The following GFPT1 variants were observed in gnomAD, a reference collection of about 807,000 sequenced individuals.
GFPT1 encodes glutamine--fructose-6-phosphate aminotransferase [isomerizing] 1.
A neutral mutation model predicts 92.0 loss-of-function variants in GFPT1; 40 were observed. The observed-to-expected ratio is 0.43, with a 90% CI of 0.34 to 0.57. GFPT1 has a LOEUF of 0.57. Among genes scored for constraint, GFPT1 ranks in the 20% least tolerant of loss-of-function variants. GFPT1 has a pLI of 0.02. For synonymous variants in GFPT1, 269 were observed against 280.6 expected, an observed-to-expected ratio of 0.96 and a Z score of 0.41; for missense variants, 448 against 869.1, an observed-to-expected ratio of 0.52 and a Z score of 6.09.
chr2:69,378,972 G>C (rs989390758), intron 1 of GFPT1, among the ~76,000 whole-genome samples: 1 of 152,094 alleles, frequency 6.6e-6, no homozygotes, highest in South Asian at 2.1e-4. Flanking sequence ...AGTAGGCCAG[G>C]AGCAGTGGCT....
At chr2:69,343,349 C>G (rs1330958011) in intron 12 of GFPT1, among the ~76,000 whole-genome samples, 2 of 152,020 alleles carry the variant, frequency 1.3e-5, no homozygotes, top group Non-Finnish European at 2.9e-5. Flanking sequence ...TGGGCCTCAT[C>G]CTGCTGCTCT....
chr2:69,330,345 T>C (rs1404517553), intron 15 of GFPT1, among the ~76,000 whole-genome samples: 7 of 152,288 alleles, frequency 4.6e-5, no homozygotes, highest in Non-Finnish European at 8.8e-5. Context: ...TTATAACCCA[T>C]TGAATGCTTA....
intron 13 of GFPT1, among the ~76,000 whole-genome samples, chr2:69,340,501 G>A (rs903061314): frequency 1.3e-5 from 2 of 152,124 alleles, no homozygotes; most frequent in East Asian, 1.9e-4. Flanking sequence ...TCACTGGAAC[G>A]TTAAGCATGT....
chr2:69,346,164 T>C (rs1172814887), intron 11 of GFPT1, among the ~76,000 whole-genome samples, 165 bp from the exon 12 acceptor site: 1 of 151,972 alleles, frequency 6.6e-6, no homozygotes, highest in Non-Finnish European at 1.5e-5. Flanking sequence ...TTTTACTCTG[T>C]GGAAAAAAAT....
At chr2:69,336,268 G>C (rs2104613098) in intron 15 of GFPT1, among the ~76,000 whole-genome samples, 1 of 151,092 alleles carries the variant, frequency 6.6e-6, no homozygotes, top group South Asian at 2.1e-4. Flanking sequence ...GAACCCAGGA[G>C]GCGGGGGTTG....
intron 3 of GFPT1, 93 bp from the exon 4 acceptor site, chr2:69,363,763 T>C: frequency 1.1e-6 from 1 of 874,548 alleles, no homozygotes; most frequent in Non-Finnish European, 1.9e-6. Flanking sequence ...ACAATGCTGC[T>C]CTCTTGGAAT....
chr2:69,370,943 T>C (rs1355201546), intron 2 of GFPT1, among the ~76,000 whole-genome samples: 2 of 151,492 alleles, frequency 1.3e-5, no homozygotes, highest in African/African-American at 4.8e-5. Context: ...GAGGTTGCAG[T>C]GAGCTGAGAT....
rs879710993 is a variant in GFPT1, at chr2:69,322,295, C to T, written c.*3894G>A. The T allele has an allele frequency of 1.3e-5, 2 of 152,092 alleles. No individual in the cohort carries two copies. The highest frequency in any genetic ancestry group is 4.8e-5 in the African/African-American group (2 of 41,436). 9.4% of individuals were successfully genotyped at this position (152,092 alleles called of 1,614,324 possible). A position where few individuals can be genotyped will look rare whatever the true frequency, so the allele number is the denominator to read the frequency against. ...CTATGATCCTTTTCAATAATACTTT[C>T]AATGACATTGTGCTTCTTTAGAAAA... On this transcript the variant is annotated 3_prime_UTR_variant, in exon 20 of 20. Transcript: ENST00000357308.
intron 9 of GFPT1, among the ~76,000 whole-genome samples, chr2:69,352,354 C>T (rs1671227362): frequency 6.6e-6 from 1 of 151,928 alleles, no homozygotes; most frequent in South Asian, 2.1e-4. Flanking sequence ...GTGGCTCAGG[C>T]CTGTAATCCC....
chr2:69,331,977 C>A (rs1220920385), intron 15 of GFPT1, among the ~76,000 whole-genome samples: 1 of 152,084 alleles, frequency 6.6e-6, no homozygotes, highest in Non-Finnish European at 1.5e-5. Context: ...TTACGTAGTA[C>A]TTTTAGACTC....
intron 3 of GFPT1, among the ~76,000 whole-genome samples, chr2:69,364,114 CA>C (rs10715095): frequency 0.011 from 1,124 of 99,028 alleles, 11 homozygotes; most frequent in African/African-American, 0.027. Flanking sequence ...GACTCCATCT[CA>C]AAAAAAAAAA....
chr2:69,352,562 G>A lies in GFPT1; in HGVS notation c.739+1697C>T, dbSNP rs138873861. 7.8e-3 allele frequency among the ~76,000 whole-genome samples: 875 copies of A among 112,522 alleles called. 10 individuals are homozygous for A. The highest frequency in any genetic ancestry group is 0.035 in the Middle Eastern group (4 of 114). 73.8% of individuals were successfully genotyped at this position (112,522 alleles called of 152,430 possible). On this transcript the variant is annotated intron_variant, in intron 9 of 19. Coordinates refer to ENST00000357308, the MANE Select transcript of GFPT1 (RefSeq NM_001244710.2). ...CGGGAGGCCGAGGTTGCAGTGAGCC[G>A]AGATCACGCCACTGCACTACAGCCT...
intron 1 of GFPT1, among the ~76,000 whole-genome samples, chr2:69,383,623 C>CTTAT (rs1311012860): frequency 2.7e-5 from 4 of 150,048 alleles, no homozygotes; most frequent in South Asian, 2.1e-4. Context: ...TATTTATTTA[C>CTTAT]TTATTTATTT....
At chr2:69,359,626 T>C (rs963625803) in intron 4 of GFPT1, among the ~76,000 whole-genome samples, 1 of 152,166 alleles carries the variant, frequency 6.6e-6, no homozygotes, top group Non-Finnish European at 1.5e-5. Flanking sequence ...TAATCAAATG[T>C]TACCCATGTG....
At chr2:69,382,587 A>T (rs964332171) in intron 1 of GFPT1, among the ~76,000 whole-genome samples, 4 of 152,192 alleles carry the variant, frequency 2.6e-5, no homozygotes, top group African/African-American at 9.7e-5. Context: ...CTACTTTTAT[A>T]GACTCTGTTC....
chr2:69,379,338 A>C (rs1374032645), intron 1 of GFPT1, among the ~76,000 whole-genome samples: 2 of 152,114 alleles, frequency 1.3e-5, no homozygotes. Context: ...AGCCTGGGCA[A>C]TACAGGGAGA....
At chr2:69,367,826 T>C (rs965699032) in intron 3 of GFPT1, among the ~76,000 whole-genome samples, 5 of 152,250 alleles carry the variant, frequency 3.3e-5, no homozygotes, top group African/African-American at 9.6e-5. Flanking sequence ...GCATTTCCCA[T>C]GTAGATATGG....
intron 15 of GFPT1, among the ~76,000 whole-genome samples, chr2:69,336,028 T>C (rs1359157739): frequency 3.7e-5 from 4 of 106,948 alleles, no homozygotes; most frequent in Admixed American, 9.6e-5. Flanking sequence ...AGAGACCCTG[T>C]CTCCAAAAAA....
At chr2:69,369,391 T>C (rs549631592) in intron 3 of GFPT1, among the ~76,000 whole-genome samples, 4 of 152,332 alleles carry the variant, frequency 2.6e-5, no homozygotes, top group Admixed American at 1.3e-4. Context: ...TCAATCAATC[T>C]ACTTCAAAGT....
Sources: allele counts gnomAD v4.1 joint callset (sites outside exome capture counted in the v4.1 genomes callset), GRCh38; gene constraint gnomAD v4.1.1; transcripts MANE v1.5; gene names NCBI Gene and HGNC (gene_info 2026-07-23, HGNC 2026-07-21).